Variants in EVA1C observed in about 807,000 individuals in gnomAD.
The protein encoded by EVA1C is protein eva-1 homolog C.
EVA1C carries 25 observed loss-of-function variants against 45.4 expected under a neutral mutation model. The ratio of observed to expected loss-of-function variants is 0.55; its 90% CI spans 0.40 to 0.77. EVA1C has a LOEUF of 0.77. Ranked by LOEUF, EVA1C falls within the 30% of genes least tolerant of loss-of-function variation. The probability of loss-of-function intolerance (pLI) is 0.00; values close to 1 mark genes in which losing one functional copy is unlikely to be tolerated. For synonymous variants in EVA1C, 190 were observed against 221.2 expected, an observed-to-expected ratio of 0.86 and a Z score of 1.25; for missense variants, 479 against 554.8, an observed-to-expected ratio of 0.86 and a Z score of 1.37.
chr21:32,492,496 A>G (rs1488778576), intron 4 of EVA1C, among the ~76,000 whole-genome samples: 1 of 151,988 alleles, frequency 6.6e-6, no homozygotes, highest in Non-Finnish European at 1.5e-5. Context: ...TAGAGGGTAG[A>G]GGAGTTTGTC....
At chr21:32,504,224 CA>C (rs1482178311) in intron 7 of EVA1C, among the ~76,000 whole-genome samples, 1 of 152,232 alleles carries the variant, frequency 6.6e-6, no homozygotes, top group Non-Finnish European at 1.5e-5. Context: ...ACCACATAAA[CA>C]GACAAAGTCA....
intron 7 of EVA1C, 26 bp downstream of exon 7, chr21:32,504,041 A>T: frequency 6.8e-7 from 1 of 1,476,140 alleles, no homozygotes; most frequent in East Asian, 2.3e-5. Context: ...AAAGCTTCCT[A>T]GAATGCTGAT....
intron 4 of EVA1C, among the ~76,000 whole-genome samples, chr21:32,494,024 T>C (rs2037259016): frequency 1.3e-5 from 2 of 152,130 alleles, no homozygotes; most frequent in East Asian, 3.9e-4. Flanking sequence ...GGTCTCGAAT[T>C]CCTGACCTCA....
intron 3 of EVA1C, among the ~76,000 whole-genome samples, chr21:32,465,893 G>C (rs2036154782): frequency 6.6e-6 from 1 of 152,186 alleles, no homozygotes. Context: ...ATGATTTTCA[G>C]TGAATTTACT....
In EVA1C at chr21:32,501,514, T is replaced by A. The variant is rs2037529268; in HGVS notation, c.859+19T>A. 2 of 1,593,276 alleles carry A rather than the reference T, an allele frequency of 1.3e-6. No homozygotes were observed. Among genetic ancestry groups the A allele is most frequent in the Non-Finnish European group, 1.7e-6 (2 of 1,178,314 alleles). ...GAATATGGTAATTTTTATGGCTTACTACCAGCATTTCTCTTTAAGTAAAGG... is the reference window on the plus strand; with the variant it reads ...GAATATGGTAATTTTTATGGCTTACAACCAGCATTTCTCTTTAAGTAAAGG... On this transcript the variant is annotated intron_variant, in intron 6 of 7. Transcript: ENST00000300255.
intron 1 of EVA1C, among the ~76,000 whole-genome samples, chr21:32,446,339 A>G (rs2035363899): frequency 6.6e-6 from 1 of 152,222 alleles, no homozygotes; most frequent in Admixed American, 6.5e-5. Context: ...ATTTCTTAAC[A>G]GAGTGTGCAC....
chr21:32,415,647 T>C (rs976492667), intron 1 of EVA1C, among the ~76,000 whole-genome samples: 8 of 151,990 alleles, frequency 5.3e-5, no homozygotes, highest in African/African-American at 1.9e-4. Context: ...GGCAGCATCA[T>C]GGCCCCCTCC....
intron 4 of EVA1C, among the ~76,000 whole-genome samples, chr21:32,479,450 A>C (rs968198862): frequency 2.6e-5 from 4 of 152,134 alleles, no homozygotes; most frequent in African/African-American, 7.2e-5. Flanking sequence ...CAGAAAAAAG[A>C]AGCAGCAGAA....
intron 4 of EVA1C, among the ~76,000 whole-genome samples, chr21:32,488,739 C>T (rs1445548734): frequency 6.6e-6 from 1 of 152,156 alleles, no homozygotes; most frequent in African/African-American, 2.4e-5. Flanking sequence ...GCACACGCCA[C>T]CACACCTGGC....
intron 1 of EVA1C, among the ~76,000 whole-genome samples, chr21:32,423,273 A>T (rs2034360405): frequency 6.6e-6 from 1 of 152,064 alleles, no homozygotes; most frequent in Non-Finnish European, 1.5e-5. Flanking sequence ...TCTTCCAAGG[A>T]CTATAACTTC....
intron 1 of EVA1C, among the ~76,000 whole-genome samples, chr21:32,435,175 C>A (rs2034892533): frequency 6.6e-6 from 1 of 151,884 alleles, no homozygotes; most frequent in South Asian, 2.1e-4. Context: ...TTTATGAGGC[C>A]TTCTTTGTTG....
intron 4 of EVA1C, among the ~76,000 whole-genome samples, chr21:32,482,626 CT>C (rs1420694009): frequency 6.6e-6 from 1 of 152,188 alleles, no homozygotes; most frequent in African/African-American, 2.4e-5. Flanking sequence ...GAGTCGGACA[CT>C]GTGTTAATCC....
intron 3 of EVA1C, among the ~76,000 whole-genome samples, chr21:32,460,595 T>C (rs781069247): frequency 1.9e-4 from 29 of 152,106 alleles, no homozygotes; most frequent in East Asian, 3.9e-4. Flanking sequence ...GTGCTCAGCA[T>C]TGGGGAGACA....
At chr21:32,413,895 C>CAT (rs1182200235) in intron 1 of EVA1C, among the ~76,000 whole-genome samples, 2 of 152,216 alleles carry the variant, frequency 1.3e-5, no homozygotes, top group Non-Finnish European at 2.9e-5. Context: ...CTCTGAGCCC[C>CAT]ATACTCCTCC....
At position 32,507,778 on chromosome 21, in the gene EVA1C, G is replaced by C. The variant is rs541392951; in HGVS notation, c.949+3763G>C. On this transcript the variant is annotated intron_variant, in intron 7 of 7. Transcript: ENST00000300255. ...TGTTTGCGTGTGTGTGCATGTATGT[G>C]TATCTCTGTGCATATGTGTATCTCT... Among the ~76,000 whole-genome samples the C allele has an allele frequency of 2.0e-5, 3 of 149,988 alleles. No homozygotes were observed. The South Asian group carries it at 6.4e-4, about 32-fold the overall frequency.
chr21:32,412,707 A>G lies in EVA1C; in HGVS notation c.-147A>G. ...GCGCCTGGGCTGGCCCGCGCAGGGG[A>G]GGAGGCTCTGGCAGCCTGGGCAGGG... On this transcript the variant is annotated 5_prime_UTR_variant, in exon 1 of 8. Transcript: ENST00000300255. The G allele has an allele frequency of 1.3e-6, 1 of 769,956 alleles. No homozygotes were observed. Among genetic ancestry groups the G allele is most frequent in the Non-Finnish European group, 1.8e-6 (1 of 545,084 alleles). The allele number at this position is 769,956 out of a possible 1,614,324, so 47.7% of individuals were successfully genotyped here. A position where few individuals can be genotyped will look rare whatever the true frequency, so the allele number is the denominator to read the frequency against.
chr21:32,422,752 A>AT lies in EVA1C; in HGVS notation c.160+9742dup, dbSNP rs544272260. ...TCAAGAGTGTGTGAAGGAAAGACAA[A>AT]TTTACCGCTAATGAATCTTTACTAA... On this transcript the variant is annotated intron_variant, in intron 1 of 7. Transcript: ENST00000300255. Among the ~76,000 whole-genome samples, 720 of 152,172 alleles carry AT rather than the reference A, an allele frequency of 4.7e-3. 6 individuals are homozygous for AT. Among genetic ancestry groups the AT allele is most frequent in the African/African-American group, 0.017 (697 of 41,524 alleles).
At chr21:32,429,148 C>T (rs1333722455) in intron 1 of EVA1C, among the ~76,000 whole-genome samples, 1 of 151,646 alleles carries the variant, frequency 6.6e-6, no homozygotes, top group Non-Finnish European at 1.5e-5. Flanking sequence ...ACTTAACCTT[C>T]ACTTAACCCA....
intron 4 of EVA1C, among the ~76,000 whole-genome samples, chr21:32,491,897 C>G (rs567743426): frequency 5.3e-5 from 8 of 151,954 alleles, no homozygotes; most frequent in African/African-American, 1.9e-4. Flanking sequence ...TTGCACATGG[C>G]GGAGTGCCGG....
Sources: allele counts gnomAD v4.1 joint callset (sites outside exome capture counted in the v4.1 genomes callset), GRCh38; gene constraint gnomAD v4.1.1; transcripts MANE v1.5; gene names NCBI Gene and HGNC (gene_info 2026-07-23, HGNC 2026-07-21).